The following CACNA2D3 variants were observed in gnomAD, a reference collection of about 807,000 sequenced individuals.
CACNA2D3 encodes the protein voltage-dependent calcium channel subunit alpha-2/delta-3.
CACNA2D3 carries 60 observed loss-of-function variants against 160.6 expected under a neutral mutation model. The observed-to-expected ratio is 0.37, with a 90% CI of 0.30 to 0.46. CACNA2D3 has a LOEUF of 0.46. Ranked by LOEUF, CACNA2D3 falls within the 20% of genes least tolerant of loss-of-function variation. CACNA2D3 has a pLI of 1.00. For missense variants in CACNA2D3, 1,205 were observed against 1,365.0 expected, an observed-to-expected ratio of 0.88 and a Z score of 1.85; for synonymous variants, 558 against 492.9, an observed-to-expected ratio of 1.13 and a Z score of -1.75.
chr3:54,537,595 A>G (rs772627577), intron 5 of CACNA2D3, among the ~76,000 whole-genome samples: 2 of 152,078 alleles, frequency 1.3e-5, no homozygotes, highest in African/African-American at 4.8e-5. Context: ...CACCATTTCT[A>G]CTGAGTTATC....
chr3:54,960,034 CTACTT>C (rs1430036664), intron 27 of CACNA2D3, among the ~76,000 whole-genome samples: 1 of 148,906 alleles, frequency 6.7e-6, no homozygotes, highest in African/African-American at 2.5e-5. Context: ...GTCATTTACT[CTACTT>C]TACCAAAGGT....
chr3:54,259,632 CA>C (rs1702367935), intron 2 of CACNA2D3, among the ~76,000 whole-genome samples: 1 of 152,164 alleles, frequency 6.6e-6, no homozygotes, highest in Admixed American at 6.5e-5. Flanking sequence ...TCATGAGGCT[CA>C]TACCATCATC....
At chr3:54,998,321 A>G (rs11708949) in intron 31 of CACNA2D3, among the ~76,000 whole-genome samples, 7 of 151,630 alleles carry the variant, frequency 4.6e-5, no homozygotes, top group Non-Finnish European at 8.8e-5. Context: ...TTTAATAGAG[A>G]TGGGGTTTTG....
At chr3:54,780,657 AT>A (rs1282700803) in intron 13 of CACNA2D3, among the ~76,000 whole-genome samples, 1 of 152,208 alleles carries the variant, frequency 6.6e-6, no homozygotes, top group Non-Finnish European at 1.5e-5. Context: ...TTTAATTACC[AT>A]CCTTATTCAG....
chr3:54,670,107 T>C (rs1050913937), intron 11 of CACNA2D3, among the ~76,000 whole-genome samples: 3 of 152,348 alleles, frequency 2.0e-5, no homozygotes, highest in Admixed American at 2.0e-4. Flanking sequence ...AAAATTCTGC[T>C]GTAGAGTTCA....
chr3:54,223,168 T>C (rs1285172686), intron 2 of CACNA2D3, among the ~76,000 whole-genome samples: 1 of 152,218 alleles, frequency 6.6e-6, no homozygotes, highest in East Asian at 1.9e-4. Context: ...TGTTCAACAA[T>C]GGGCATATGT....
chr3:54,641,368 C>T (rs1323260090), intron 10 of CACNA2D3, among the ~76,000 whole-genome samples: 2 of 152,150 alleles, frequency 1.3e-5, no homozygotes, highest in Non-Finnish European at 2.9e-5. Flanking sequence ...GAGTTGAAGT[C>T]AGCAGAAAGA....
At chr3:54,210,544 C>T (rs1227543348) in intron 2 of CACNA2D3, among the ~76,000 whole-genome samples, 4 of 152,102 alleles carry the variant, frequency 2.6e-5, no homozygotes, top group Admixed American at 2.0e-4. Context: ...CACCGGACTT[C>T]TGCAGACTTA....
At chr3:54,199,150 A>T (rs973611852) in intron 2 of CACNA2D3, among the ~76,000 whole-genome samples, 9 of 152,046 alleles carry the variant, frequency 5.9e-5, no homozygotes, top group Non-Finnish European at 1.2e-4. Context: ...ATTTTATTAC[A>T]TCTTTAAACA....
chr3:54,356,039 A>G (rs1340535218), intron 3 of CACNA2D3, among the ~76,000 whole-genome samples: 4 of 116,864 alleles, frequency 3.4e-5, no homozygotes, highest in Non-Finnish European at 4.9e-5. Flanking sequence ...TCCTGGATTG[A>G]TTTTCTTACA....
intron 35 of CACNA2D3, among the ~76,000 whole-genome samples, chr3:55,062,086 G>T (rs1262547243): frequency 6.6e-6 from 1 of 152,110 alleles, no homozygotes; most frequent in Non-Finnish European, 1.5e-5. Context: ...CAAAGAGCTT[G>T]TGCTACTTTG....
At chr3:54,956,380 A>G (rs529696752) in intron 27 of CACNA2D3, among the ~76,000 whole-genome samples, 66 of 152,264 alleles carry the variant, frequency 4.3e-4, no homozygotes, top group Admixed American at 9.2e-4. Flanking sequence ...CAAGGGGACA[A>G]TTTTGCTGTG....
chr3:54,217,862 CAG>C (rs1056900287), intron 2 of CACNA2D3, among the ~76,000 whole-genome samples: 1 of 136,842 alleles, frequency 7.3e-6, no homozygotes, highest in Admixed American at 7.2e-5. Flanking sequence ...GCCTGAGAGA[CAG>C]AGAGAGACAG....
rs889622666 is a variant in CACNA2D3 at position 54,591,252 on chromosome 3, G to C, written c.963+9375G>C. 2.6e-5 allele frequency among the ~76,000 whole-genome samples: 4 copies of C among 152,172 alleles called. No homozygotes were observed. The South Asian group carries it at 8.3e-4, about 32-fold the overall frequency. ...CCCAAAACCTTACACTGGATGTTAG[G>C]AGTCATCCCCTCTCCCCAGCTATCT... is the stretch of plus-strand genomic sequence containing the variant. On this transcript the variant is annotated intron_variant, in intron 9 of 37. Transcript: ENST00000474759.
At chr3:54,144,392 T>G (rs1423606742) in intron 2 of CACNA2D3, among the ~76,000 whole-genome samples, 2 of 152,240 alleles carry the variant, frequency 1.3e-5, no homozygotes, top group African/African-American at 4.8e-5. Flanking sequence ...CCTCAGAGCA[T>G]CCTCATAAGG....
intron 3 of CACNA2D3, among the ~76,000 whole-genome samples, chr3:54,353,458 AT>A (rs33922758): frequency 0.2 from 29,455 of 146,898 alleles, 3,032 homozygotes; most frequent in Admixed American, 0.29. Context: ...CAGGAATAGC[AT>A]TTTTTTTTTT....
intron 2 of CACNA2D3, among the ~76,000 whole-genome samples, chr3:54,168,917 A>C (rs1259462489): frequency 6.6e-6 from 1 of 152,150 alleles, no homozygotes; most frequent in African/African-American, 2.4e-5. Context: ...TGCGTGGAAG[A>C]TCTTCTGTGC....
At chr3:54,897,804 A>C (rs1423716527) in intron 26 of CACNA2D3, among the ~76,000 whole-genome samples, 1 of 152,226 alleles carries the variant, frequency 6.6e-6, no homozygotes, top group Non-Finnish European at 1.5e-5. Context: ...TGAAATTTGT[A>C]GAAAGCAAAG....
chr3:55,043,110 CT>C (rs1194515173), intron 35 of CACNA2D3, among the ~76,000 whole-genome samples: 1 of 152,080 alleles, frequency 6.6e-6, no homozygotes, highest in Non-Finnish European at 1.5e-5. Context: ...GTCATTTCAC[CT>C]GAATGAACCT....
Sources: allele counts gnomAD v4.1 joint callset (sites outside exome capture counted in the v4.1 genomes callset), GRCh38; gene constraint gnomAD v4.1.1; transcripts MANE v1.5; gene names NCBI Gene and HGNC (gene_info 2026-07-23, HGNC 2026-07-21).